HNRNPLL: variants seen among roughly 807,000 people sequenced by gnomAD.
The protein encoded by HNRNPLL is heterogeneous nuclear ribonucleoprotein L-like.
Under a neutral mutation model 67.1 loss-of-function variants are expected in HNRNPLL, and 25 were observed. That is an observed-to-expected ratio of 0.37 (90% CI 0.27 to 0.52). HNRNPLL has a LOEUF of 0.52. Among genes scored for constraint, HNRNPLL ranks in the 20% least tolerant of loss-of-function variants. The pLI, the probability that HNRNPLL is intolerant of heterozygous loss-of-function variation, is 0.90. For synonymous variants in HNRNPLL, 267 were observed against 241.7 expected, an observed-to-expected ratio of 1.10 and a Z score of -0.97; for missense variants, 542 against 673.9, an observed-to-expected ratio of 0.80 and a Z score of 2.17.
At position 38,569,319 on chromosome 2, in the gene HNRNPLL, A is replaced by T. The variant is rs760762346; in HGVS notation, c.1230T>A (p.His410Gln). 1.2e-6 allele frequency: 2 copies of T among 1,608,820 alleles called. No homozygotes were observed. The highest frequency in any genetic ancestry group is 2.7e-5 in the African/African-American group (2 of 74,822). The change falls in exon 10 of 13, where the codon CAT (histidine) becomes CAA (glutamine). Residue 410 changes from histidine to glutamine, a missense_variant. Around this residue, in one of 2 missense-constraint regions of HNRNPLL, gnomAD observed 415 missense variants for 575.2 expected, o/e 0.72. Coordinates refer to ENST00000449105, the MANE Select transcript of HNRNPLL (RefSeq NM_138394.4). ...CAAATATTTGACTTGGAACAACTGAATGTTGTTTAGACACGCTAAAGATTG... is the reference window on the plus strand; with the variant it reads ...CAAATATTTGACTTGGAACAACTGATTGTTGTTTAGACACGCTAAAGATTG... ...KRLNVCVSKQ[H>Q]SVVPSQIFEL...
chr2:38,586,445 A>G (rs370069322), intron 2 of HNRNPLL, among the ~76,000 whole-genome samples: 5 of 152,236 alleles, frequency 3.3e-5, no homozygotes, highest in Admixed American at 6.5e-5. Flanking sequence ...TACTAACAAG[A>G]CAACCCAGTT....
intron 1 of HNRNPLL, 156 bp downstream of exon 1, chr2:38,602,282 G>A (rs894255814): frequency 2.2e-5 from 15 of 680,726 alleles, no homozygotes; most frequent in African/African-American, 1.9e-4. Flanking sequence ...ACAGGTAGAG[G>A]CCAGAATACG....
chr2:38,569,315 C>G lies in HNRNPLL; in HGVS notation c.1234G>C (p.Val412Leu). The G allele has an allele frequency of 6.2e-7, 1 of 1,611,836 alleles. No homozygotes were observed. Among genetic ancestry groups the G allele is most frequent in the Non-Finnish European group, 8.5e-7 (1 of 1,178,752 alleles). Residue 412 changes from valine to leucine, a missense_variant, in exon 10 of 13, where the codon GTT (valine) becomes CTT (leucine). Val to Leu is a conservative substitution (Grantham distance 32). Coordinates refer to ENST00000449105, the MANE Select transcript of HNRNPLL (RefSeq NM_138394.4). ...AGCTCAAATATTTGACTTGGAACAA[C>G]TGAATGTTGTTTAGACACGCTAAAG... ...LNVCVSKQHS[V>L]VPSQIFELED...
chr2:38,593,640 G>A (rs1667056171), intron 1 of HNRNPLL, among the ~76,000 whole-genome samples: 1 of 152,158 alleles, frequency 6.6e-6, no homozygotes, highest in Non-Finnish European at 1.5e-5. Flanking sequence ...CTGTAATCCA[G>A]CACTTTGGGA....
intron 1 of HNRNPLL, among the ~76,000 whole-genome samples, chr2:38,599,545 G>A (rs749190522): frequency 6.6e-6 from 1 of 152,160 alleles, no homozygotes; most frequent in Non-Finnish European, 1.5e-5. Context: ...GCAGCTCAGT[G>A]AATGTGAAAA....
intron 1 of HNRNPLL, among the ~76,000 whole-genome samples, chr2:38,598,864 G>C (rs1280466805): frequency 2.0e-5 from 3 of 152,156 alleles, no homozygotes; most frequent in African/African-American, 4.8e-5. Context: ...CACTCTACTA[G>C]AACAGCTTCG....
Position 38,582,033 on chromosome 2 carries a change from T to C in HNRNPLL, c.729+39A>G, listed in dbSNP as rs202094302. 153 of 1,600,062 alleles carry C rather than the reference T, an allele frequency of 9.6e-5. No individual in the cohort carries two copies. The South Asian group carries it at 1.2e-3, about 13-fold the overall frequency. On this transcript the variant is annotated intron_variant, in intron 5 of 12. Coordinates refer to ENST00000449105, the MANE Select transcript of HNRNPLL (RefSeq NM_138394.4). Reference sequence around the variant, plus strand: ...AAGTTCAAACTGCATATCCAAAGCATAAATATTTCTTGGGTAGGGTGTTGA... The same window carrying C: ...AAGTTCAAACTGCATATCCAAAGCACAAATATTTCTTGGGTAGGGTGTTGA...
At chr2:38,596,279 T>C (rs1017316190) in intron 1 of HNRNPLL, among the ~76,000 whole-genome samples, 1 of 152,144 alleles carries the variant, frequency 6.6e-6, no homozygotes, top group African/African-American at 2.4e-5. Context: ...TCTCTCTTTT[T>C]TGAGACAGAG....
At chr2:38,565,599 A>T (rs952570343) in intron 12 of HNRNPLL, among the ~76,000 whole-genome samples, 1 of 151,516 alleles carries the variant, frequency 6.6e-6, no homozygotes, top group African/African-American at 2.4e-5. Context: ...GTGGTGTTGC[A>T]CTCCTATAGC....
At chr2:38,569,757 G>A in intron 9 of HNRNPLL, 47 bp downstream of exon 9, 1 of 1,055,594 alleles carries the variant, frequency 9.5e-7, no homozygotes, top group South Asian at 1.8e-5. Flanking sequence ...AAAGGACAAA[G>A]ATTTTTAAAT....
rs190441652 is a variant in HNRNPLL, at chr2:38,597,701, T to C, written c.189+4737A>G. ...CAAGTAACTTTTTTTATTTTTTTTT[T>C]TTTTTGAGACGGAGTCTCGCTCTGT... On this transcript the variant is annotated intron_variant, in intron 1 of 12. Coordinates refer to ENST00000449105, the MANE Select transcript of HNRNPLL (RefSeq NM_138394.4). Among the ~76,000 whole-genome samples, 140 of 152,024 alleles carry C rather than the reference T, an allele frequency of 9.2e-4. 1 individual carries two copies. Among genetic ancestry groups the C allele is most frequent in the African/African-American group, 3.2e-3 (132 of 41,526 alleles).
intron 2 of HNRNPLL, among the ~76,000 whole-genome samples, chr2:38,591,254 T>C (rs534476113): frequency 6.6e-6 from 1 of 151,894 alleles, no homozygotes; most frequent in Non-Finnish European, 1.5e-5. Flanking sequence ...CATTTGAAAA[T>C]CAGATGAAAA....
chr2:38,597,346 G>C (rs1208034465), intron 1 of HNRNPLL, among the ~76,000 whole-genome samples: 3 of 152,080 alleles, frequency 2.0e-5, no homozygotes, highest in Admixed American at 6.5e-5. Flanking sequence ...CTCCATTCTG[G>C]TAAGCTTTCT....
intron 6 of HNRNPLL, among the ~76,000 whole-genome samples, chr2:38,578,195 T>C (rs887196167): frequency 1.3e-5 from 2 of 152,002 alleles, no homozygotes; most frequent in Non-Finnish European, 2.9e-5. Flanking sequence ...GATGCCAAGA[T>C]AAAGCTAACC....
chr2:38,575,369 T>C (rs943862469), intron 7 of HNRNPLL, among the ~76,000 whole-genome samples: 1 of 151,878 alleles, frequency 6.6e-6, no homozygotes, highest in Non-Finnish European at 1.5e-5. Context: ...TATATTAACA[T>C]CTTGAAGGCA....
chr2:38,584,034 T>G, intron 3 of HNRNPLL, 108 bp from the exon 4 acceptor site: 3 of 477,618 alleles, frequency 6.3e-6, no homozygotes, highest in Non-Finnish European at 1.1e-5. Flanking sequence ...AGATGTCATT[T>G]CTATTGATTA....
intron 12 of HNRNPLL, among the ~76,000 whole-genome samples, chr2:38,566,517 C>G (rs1432338390): frequency 1.3e-5 from 2 of 151,942 alleles, no homozygotes; most frequent in African/African-American, 4.8e-5. Flanking sequence ...AATTGAATAT[C>G]TGACAACACT....
intron 1 of HNRNPLL, among the ~76,000 whole-genome samples, chr2:38,593,625 C>G (rs1667054968): frequency 6.6e-6 from 1 of 152,156 alleles, no homozygotes. Context: ...CGTGGTGGCT[C>G]ATGCCTGTAA....
chr2:38,564,128 T>G lies in HNRNPLL; in HGVS notation c.*54A>C. 9.4e-7 allele frequency: 1 copy of G among 1,061,046 alleles called. No individual in the cohort carries two copies. The allele number at this position is 1,061,046 out of a possible 1,614,324, so 65.7% of individuals were successfully genotyped here. A position where few individuals can be genotyped will look rare whatever the true frequency, so the allele number is the denominator to read the frequency against. ...TTTTAGATTTTTTTTTAATGAAGTGTAGCTTTGAAATTGTAATAAAGGTGA... is the reference window on the plus strand; with the variant it reads ...TTTTAGATTTTTTTTTAATGAAGTGGAGCTTTGAAATTGTAATAAAGGTGA... On this transcript the variant is annotated 3_prime_UTR_variant, in exon 13 of 13. Transcript: ENST00000449105.
Sources: allele counts gnomAD v4.1 joint callset (sites outside exome capture counted in the v4.1 genomes callset), GRCh38; gene constraint gnomAD v4.1.1; regional missense constraint gnomAD v4.1.1; transcripts MANE v1.5; gene names NCBI Gene and HGNC (gene_info 2026-07-23, HGNC 2026-07-21).